The following SLC2A9 variants were observed in gnomAD, a reference collection of about 807,000 sequenced individuals.
SLC2A9 encodes the protein solute carrier family 2, facilitated glucose transporter member 9.
A neutral mutation model predicts 50.6 loss-of-function variants in SLC2A9; 39 were observed. That is an observed-to-expected ratio of 0.77 (90% CI 0.60 to 1.01). The LOEUF is 1.01. Among genes scored for constraint, SLC2A9 ranks in the 50% least tolerant of loss-of-function variants. The probability of loss-of-function intolerance (pLI) is 0.00; values close to 1 mark genes in which losing one functional copy is unlikely to be tolerated. For synonymous variants in SLC2A9, 324 were observed against 276.9 expected (o/e 1.17, Z -1.69); for missense variants, 686 against 677.6 (o/e 1.01, Z -0.14).
rs560118758 is a variant in SLC2A9, at chr4:9,988,593, G to A, written c.411-2800C>T. On this transcript the variant is annotated intron_variant, in intron 3 of 11. Coordinates refer to ENST00000264784, the MANE Select transcript of SLC2A9 (RefSeq NM_020041.3). ...TAATCATTGTTTCCATTTGTTTCCT[G>A]TGGATGAACAGCAACATAAACAAGG... is the stretch of plus-strand genomic sequence containing the variant. Among the ~76,000 whole-genome samples, 7 of 152,322 alleles carry A rather than the reference G, an allele frequency of 4.6e-5. No homozygotes were observed. In the East Asian group the frequency reaches 1.3e-3, roughly 29 times the overall value.
chr4:9,940,065 A>G (rs569067031), intron 6 of SLC2A9, among the ~76,000 whole-genome samples: 112 of 152,342 alleles, frequency 7.4e-4, no homozygotes, highest in South Asian at 1.7e-3. Flanking sequence ...ATTGACATGC[A>G]CTATTCATTC....
chr4:9,989,489 A>T (rs1757311141), intron 3 of SLC2A9, among the ~76,000 whole-genome samples: 1 of 151,908 alleles, frequency 6.6e-6, no homozygotes, highest in Non-Finnish European at 1.5e-5. Flanking sequence ...CACAGAGGCA[A>T]TCCCAAGAGA....
At chr4:9,997,781 G>GAAA (rs58145141) in intron 2 of SLC2A9, among the ~76,000 whole-genome samples, 3 of 148,930 alleles carry the variant, frequency 2.0e-5, no homozygotes, top group Non-Finnish European at 3.0e-5. Context: ...AGCCATAAAA[G>GAAA]AAAAAAAAAT....
chr4:9,849,155 C>A lies in SLC2A9; in HGVS notation c.1292-14147G>T, dbSNP rs6817961. On this transcript the variant is annotated intron_variant, in intron 10 of 11. Transcript: ENST00000264784. ...GGTGTCTAGGAGGCCATGCTTGGGGCAGGAGTTTGCAGGCAGAAGCTGTAG... is the reference window on the plus strand; with the variant it reads ...GGTGTCTAGGAGGCCATGCTTGGGGAAGGAGTTTGCAGGCAGAAGCTGTAG... Among the ~76,000 whole-genome samples the A allele has an allele frequency of 5.4e-3, 820 of 152,102 alleles. 6 individuals carry two copies. The highest frequency in any genetic ancestry group is 0.019 in the African/African-American group (789 of 41,482).
intron 1 of SLC2A9, 166 bp from the exon 2 acceptor site, chr4:10,019,239 T>G (rs1763191207): frequency 1.6e-6 from 1 of 640,332 alleles, no homozygotes; most frequent in African/African-American, 1.8e-5. Context: ...GACCTGCAAG[T>G]AGGGTTCCAG....
intron 10 of SLC2A9, among the ~76,000 whole-genome samples, chr4:9,884,742 C>T (rs1162000692): frequency 6.6e-6 from 1 of 152,134 alleles, no homozygotes; most frequent in Admixed American, 6.5e-5. Flanking sequence ...CAGCACTATT[C>T]ACAATAGCAA....
chr4:9,782,810 T>C lies in SLC2A9; in HGVS notation n.386-2745A>G, dbSNP rs1311896189. The stretch of plus-strand genomic sequence containing the variant: ...CCAGGTGCAGATCCGCAGGATTTCC[T>C]CCCTGGAGAGGGCCGCAGAGCACGC... On this transcript the variant is annotated intron_variant and non_coding_transcript_variant, in intron 3 of 3. Transcript: ENST00000503803. 2.5e-6 allele frequency: 4 copies of C among 1,613,740 alleles called. No homozygotes were observed. The highest frequency in any genetic ancestry group is 3.3e-5 in the Admixed American group (2 of 60,004).
At chr4:9,941,768 G>C in intron 6 of SLC2A9, 145 bp downstream of exon 6, 2 of 1,153,650 alleles carry the variant, frequency 1.7e-6, no homozygotes, top group Non-Finnish European at 2.5e-6. Context: ...AAATGAGAAG[G>C]TACCCTATGA....
rs1039088267 is a variant in SLC2A9 at position 9,905,272 on chromosome 4, T to C, written c.1113+2963A>G. Among the ~76,000 whole-genome samples the C allele has an allele frequency of 2.6e-5, 4 of 152,318 alleles. No individual in the cohort carries two copies. The East Asian group carries it at 7.7e-4, about 29-fold the overall frequency. On this transcript the variant is annotated intron_variant, in intron 8 of 11. Transcript: ENST00000264784. The stretch of plus-strand genomic sequence containing the variant: ...CCTGCACCTCTAGAACAGCAAAACA[T>C]CATTTATCCTTGGGTCATAGTCAAC...
chr4:10,023,116 A>G (rs935116389), upstream of SLC2A9, among the ~76,000 whole-genome samples: 4 of 152,202 alleles, frequency 2.6e-5, no homozygotes, highest in Non-Finnish European at 4.4e-5. Flanking sequence ...CACCACATCA[A>G]TCTCAGCTGG....
At chr4:9,921,515 C>T (rs1177525591) in intron 6 of SLC2A9, among the ~76,000 whole-genome samples, 2 of 152,216 alleles carry the variant, frequency 1.3e-5, no homozygotes, top group Non-Finnish European at 2.9e-5. Flanking sequence ...CCAGACACAG[C>T]AGGCAGCATC....
downstream of SLC2A9, among the ~76,000 whole-genome samples, chr4:9,775,331 G>T (rs968209560): frequency 2.0e-5 from 3 of 152,186 alleles, no homozygotes; most frequent in East Asian, 3.9e-4. Context: ...CCTCATGGCT[G>T]AGCCTCAGCC....
At chr4:10,021,182 A>C in intron 1 of SLC2A9, 98 bp downstream of exon 1, 1 of 1,296,042 alleles carries the variant, frequency 7.7e-7, no homozygotes, top group Non-Finnish European at 1.1e-6. Flanking sequence ...CCCCAGCTAC[A>C]CGCTGCCAGG....
chr4:9,776,452 G>T (rs183601619), downstream of SLC2A9, among the ~76,000 whole-genome samples: 2 of 152,068 alleles, frequency 1.3e-5, no homozygotes, highest in Admixed American at 1.3e-4. Context: ...ACTGACCCCA[G>T]CTACCTTGGA....
intron 10 of SLC2A9, among the ~76,000 whole-genome samples, chr4:9,876,706 G>A (rs1014475539): frequency 1.3e-5 from 2 of 152,210 alleles, no homozygotes; most frequent in Middle Eastern, 3.2e-3. Flanking sequence ...ATAGTTTAGA[G>A]TTCACAGGGT....
chr4:9,937,010 C>T (rs1413666711), intron 6 of SLC2A9, among the ~76,000 whole-genome samples: 2 of 152,188 alleles, frequency 1.3e-5, no homozygotes, highest in East Asian at 3.8e-4. Flanking sequence ...CTTCCCTGTG[C>T]TGTGGAATTG....
intron 3 of SLC2A9, chr4:9,781,851 G>C (rs1243678285): frequency 2.0e-6 from 1 of 495,008 alleles, no homozygotes; most frequent in African/African-American, 2.0e-5. Context: ...GGCGCTTCAG[G>C]AGGCAAGAGA....
chr4:9,785,808 C>T (rs1719143334), intron 3 of SLC2A9, among the ~76,000 whole-genome samples: 1 of 152,168 alleles, frequency 6.6e-6, no homozygotes, highest in African/African-American at 2.4e-5. Context: ...TACTATATTG[C>T]ACTGCATTGC....
intron 6 of SLC2A9, among the ~76,000 whole-genome samples, chr4:9,921,154 C>T (rs1743881561): frequency 3.3e-5 from 5 of 152,018 alleles, no homozygotes; most frequent in Admixed American, 3.3e-4. Context: ...ACTGCAAGGC[C>T]CCTTCCATGT....
Sources: gnomAD v4.1 joint callset for allele counts (sites outside exome capture counted in the v4.1 genomes callset) on GRCh38, gnomAD v4.1.1 for gene constraint, MANE v1.5 for transcripts, NCBI Gene and HGNC (gene_info 2026-07-23, HGNC 2026-07-21) for gene names.